PLEKHA2: variants seen among roughly 807,000 people sequenced by gnomAD.
The protein encoded by PLEKHA2 is pleckstrin homology domain-containing family A member 2.
Under a neutral mutation model 53.2 loss-of-function variants are expected in PLEKHA2, and 28 were observed. The ratio of observed to expected loss-of-function variants is 0.53; its 90% CI spans 0.39 to 0.72. The LOEUF (loss-of-function observed/expected upper bound fraction) is 0.72. Among genes scored for constraint, PLEKHA2 ranks in the 30% least tolerant of loss-of-function variants. PLEKHA2 has a pLI of 0.00. For missense variants in PLEKHA2, 426 were observed against 537.9 expected, an observed-to-expected ratio of 0.79 and a Z score of 2.06; for synonymous variants, 193 against 196.4, an observed-to-expected ratio of 0.98 and a Z score of 0.14.
At chr8:38,937,071 A>T (rs553050481) in intron 3 of PLEKHA2, among the ~76,000 whole-genome samples, 3 of 151,956 alleles carry the variant, frequency 2.0e-5, no homozygotes, top group Non-Finnish European at 4.4e-5. Context: ...GGACTGGGGG[A>T]CTCTGGAGGA....
intron 9 of PLEKHA2, among the ~76,000 whole-genome samples, chr8:38,953,826 C>T (rs1834889071): frequency 6.6e-6 from 1 of 152,130 alleles, no homozygotes; most frequent in South Asian, 2.1e-4. Context: ...ACCCTGATGT[C>T]CCATTAACAC....
At chr8:38,915,157 G>GT (rs1834035882) in intron 1 of PLEKHA2, among the ~76,000 whole-genome samples, 1 of 152,134 alleles carries the variant, frequency 6.6e-6, no homozygotes, top group South Asian at 2.1e-4. Context: ...TGTTGCGCAC[G>GT]TTGGTCTCAA....
chr8:38,930,914 A>C (rs115288469), intron 2 of PLEKHA2, among the ~76,000 whole-genome samples: 137 of 152,336 alleles, frequency 9.0e-4, no homozygotes, highest in Middle Eastern at 3.4e-3. Context: ...GGAAACAGGC[A>C]GGTGCCTGGG....
intron 1 of PLEKHA2, 22 bp downstream of exon 1, chr8:38,901,467 G>A (rs1833783348): frequency 6.6e-6 from 1 of 151,756 alleles, no homozygotes; most frequent in Admixed American, 6.6e-5. Context: ...GCCCTCGCGG[G>A]CTCGGGAGTG....
chr8:38,944,038 T>A (rs1197462779), intron 4 of PLEKHA2, among the ~76,000 whole-genome samples: 2 of 152,208 alleles, frequency 1.3e-5, no homozygotes, highest in Admixed American at 6.5e-5. Context: ...GGACAGAGGT[T>A]CAGGGACTAG....
intron 5 of PLEKHA2, among the ~76,000 whole-genome samples, chr8:38,948,856 C>T (rs1834767438): frequency 6.6e-6 from 1 of 151,726 alleles, no homozygotes; most frequent in East Asian, 1.9e-4. Flanking sequence ...GTTTAGTAGA[C>T]ATTCAGCTGT....
intron 1 of PLEKHA2, among the ~76,000 whole-genome samples, chr8:38,912,373 C>T (rs1487464502): frequency 6.6e-6 from 1 of 152,212 alleles, no homozygotes; most frequent in East Asian, 1.9e-4. Flanking sequence ...TTAGAAAAGA[C>T]ATTTTGAAGC....
chr8:38,940,863 A>G (rs1834598043), intron 3 of PLEKHA2, among the ~76,000 whole-genome samples: 1 of 151,362 alleles, frequency 6.6e-6, no homozygotes, highest in Non-Finnish European at 1.5e-5. Flanking sequence ...ACATCTCAAA[A>G]TGTACATCCC....
intron 8 of PLEKHA2, 62 bp from the exon 9 acceptor site, chr8:38,953,235 G>A (rs1053429381): frequency 7.5e-7 from 1 of 1,341,976 alleles, no homozygotes; most frequent in African/African-American, 1.4e-5. Context: ...TTGGTCAGCT[G>A]GTCTGGGTCG....
chr8:38,935,943 C>G, intron 2 of PLEKHA2, 51 bp from the exon 3 acceptor site: 1 of 1,566,884 alleles, frequency 6.4e-7, no homozygotes, highest in South Asian at 1.1e-5. Flanking sequence ...TCTTCTGTCT[C>G]TTGGTGCTGT....
chr8:38,944,677 C>T (rs1284474458), intron 4 of PLEKHA2, among the ~76,000 whole-genome samples: 1 of 152,088 alleles, frequency 6.6e-6, no homozygotes, highest in Non-Finnish European at 1.5e-5. Context: ...AGAAACCGCC[C>T]CCACGACCCA....
At chr8:38,917,727 T>G in intron 1 of PLEKHA2, among the ~76,000 whole-genome samples, 180 bp from the exon 2 acceptor site, 1 of 152,132 alleles carries the variant, frequency 6.6e-6, no homozygotes, top group East Asian at 1.9e-4. Context: ...TACGTGTGAA[T>G]GGATTTTTAG....
intron 10 of PLEKHA2, among the ~76,000 whole-genome samples, chr8:38,968,370 C>A (rs1014664550): frequency 6.6e-5 from 10 of 152,172 alleles, no homozygotes; most frequent in African/African-American, 2.4e-4. Context: ...TGCCTCATTT[C>A]AGAGCAGCTC....
chr8:38,905,319 G>A (rs1011760770), intron 1 of PLEKHA2, among the ~76,000 whole-genome samples: 1 of 152,034 alleles, frequency 6.6e-6, no homozygotes, highest in African/African-American at 2.4e-5. Flanking sequence ...TTAGCTAGCT[G>A]TAGTAGTGTG....
At chr8:38,952,453 G>A (rs1834863177) in intron 7 of PLEKHA2, 141 bp downstream of exon 7, 6 of 1,388,000 alleles carry the variant, frequency 4.3e-6, no homozygotes, top group Non-Finnish European at 5.8e-6. Context: ...GTGAGATTTT[G>A]GGACTGACCT....
At chr8:38,964,543 G>A (rs551120804) in intron 10 of PLEKHA2, among the ~76,000 whole-genome samples, 8 of 152,028 alleles carry the variant, frequency 5.3e-5, no homozygotes, top group Non-Finnish European at 1.0e-4. Context: ...ACCCTTCCAA[G>A]TTCATGGAAA....
At chr8:38,931,260 C>T (rs1199309828) in intron 2 of PLEKHA2, among the ~76,000 whole-genome samples, 4 of 152,228 alleles carry the variant, frequency 2.6e-5, no homozygotes, top group East Asian at 1.9e-4. Context: ...GCCTGGGCAA[C>T]GGAGTCATCT....
chr8:38,946,225 A>T lies in PLEKHA2; in HGVS notation c.345+4A>T. On this transcript the variant is annotated splice_donor_region_variant and intron_variant, in intron 5 of 11. Transcript: ENST00000617275. ...GAACCAAGCCAGCAAGATCACCGTA[A>T]GTTTGGTTTCTTCTGTTTTCTGGTG... The T allele has an allele frequency of 2.5e-6, 4 of 1,593,346 alleles. No homozygotes were observed. Among genetic ancestry groups the T allele is most frequent in the Non-Finnish European group, 3.4e-6 (4 of 1,168,994 alleles).
chr8:38,937,694 C>T (rs1834522474), intron 3 of PLEKHA2, among the ~76,000 whole-genome samples: 1 of 152,182 alleles, frequency 6.6e-6, no homozygotes, highest in Non-Finnish European at 1.5e-5. Flanking sequence ...ACAGCTGCCA[C>T]TGGGTCGGGT....
Sources: gnomAD v4.1 joint callset for allele counts (sites outside exome capture counted in the v4.1 genomes callset) on GRCh38, gnomAD v4.1.1 for gene constraint, MANE v1.5 for transcripts, NCBI Gene and HGNC (gene_info 2026-07-23, HGNC 2026-07-21) for gene names.